NTRK2: variants seen among roughly 807,000 people sequenced by gnomAD.
The protein encoded by NTRK2 is neurotrophic receptor tyrosine kinase 2, also known as BDNF/NT-3 growth factors receptor.
A neutral mutation model predicts 94.5 loss-of-function variants in NTRK2; 13 were observed. The ratio of observed to expected loss-of-function variants is 0.14; its 90% confidence interval spans 0.09 to 0.22. The LOEUF (loss-of-function observed/expected upper bound fraction) is 0.22. NTRK2 is among the 10% of genes least tolerant of loss of function. NTRK2 has a pLI of 1.00. For missense variants in NTRK2, 639 were observed against 1,071.2 expected (o/e 0.60, Z 5.63); for synonymous variants, 372 against 407.4 (o/e 0.91, Z 1.05).
At chr9:84,694,497 G>A (rs2060241490) in intron 2 of NTRK2, among the ~76,000 whole-genome samples, 1 of 152,224 alleles carries the variant, frequency 6.6e-6, no homozygotes, top group Admixed American at 6.5e-5. Flanking sequence ...CAGTTGGGGT[G>A]CATACCCCCT....
intron 12 of NTRK2, among the ~76,000 whole-genome samples, chr9:84,772,335 A>G (rs1278987238): frequency 6.6e-6 from 1 of 150,624 alleles, no homozygotes; most frequent in Admixed American, 6.6e-5. Context: ...GCTGATTGAA[A>G]CCTCCGCCTC....
intron 17 of NTRK2, among the ~76,000 whole-genome samples, chr9:84,994,266 T>A (rs1288080211): frequency 6.6e-6 from 1 of 152,246 alleles, no homozygotes; most frequent in Non-Finnish European, 1.5e-5. Flanking sequence ...ACTCCCCTAC[T>A]GTAAGTTATA....
intron 14 of NTRK2, chr9:84,876,254 T>C (rs2076063565): frequency 1.9e-5 from 20 of 1,042,916 alleles, no homozygotes; most frequent in Non-Finnish European, 2.3e-5. Flanking sequence ...TGTGCAGTTA[T>C]ATCAAAACAG....
intron 14 of NTRK2, among the ~76,000 whole-genome samples, chr9:84,907,633 A>C: frequency 6.6e-6 from 1 of 151,882 alleles, no homozygotes; most frequent in East Asian, 1.9e-4. Context: ...AATTAAAATA[A>C]TGTGTGTCTG....
intron 12 of NTRK2, among the ~76,000 whole-genome samples, chr9:84,766,054 GA>G (rs1282132872): frequency 6.6e-6 from 1 of 152,166 alleles, no homozygotes. Flanking sequence ...AAGTTTATGG[GA>G]GGGGAGAGAG....
At chr9:85,006,646 T>C (rs1336507339) in intron 17 of NTRK2, among the ~76,000 whole-genome samples, 1 of 149,874 alleles carries the variant, frequency 6.7e-6, no homozygotes, top group Non-Finnish European at 1.5e-5. Context: ...CCCTTCTCAC[T>C]GACTTCTCCC....
At chr9:84,909,047 A>T (rs540577152) in intron 14 of NTRK2, among the ~76,000 whole-genome samples, 1 of 152,240 alleles carries the variant, frequency 6.6e-6, no homozygotes, top group East Asian at 1.9e-4. Context: ...TTCCACAAGG[A>T]TCCCTCATGC....
intron 12 of NTRK2, among the ~76,000 whole-genome samples, chr9:84,787,158 C>T (rs1021653424): frequency 2.6e-5 from 4 of 151,914 alleles, no homozygotes; most frequent in African/African-American, 9.7e-5. Context: ...ATTGGCCAGG[C>T]GTGGTGGCAG....
chr9:84,859,200 G>A (rs140010892), intron 12 of NTRK2, among the ~76,000 whole-genome samples: 1,876 of 152,334 alleles, frequency 0.012, 21 homozygotes, highest in Non-Finnish European at 0.021. Flanking sequence ...CACACGATGG[G>A]AGGGGAATAT....
intron 4 of NTRK2, among the ~76,000 whole-genome samples, chr9:84,704,111 C>T (rs1231653692): frequency 6.6e-6 from 1 of 151,522 alleles, no homozygotes; most frequent in African/African-American, 2.4e-5. Flanking sequence ...TATTAATAGA[C>T]TTACTGATTA....
intron 2 of NTRK2, among the ~76,000 whole-genome samples, chr9:84,678,435 A>G (rs898183781): frequency 2.0e-5 from 3 of 152,250 alleles, no homozygotes; most frequent in Non-Finnish European, 4.4e-5. Flanking sequence ...AATATAGTGC[A>G]ATTTAAAAAG....
chr9:84,797,660 T>TAATATA (rs1564297727), intron 12 of NTRK2, among the ~76,000 whole-genome samples: 1 of 42,302 alleles, frequency 2.4e-5, no homozygotes, highest in Admixed American at 4.2e-4. Flanking sequence ...AATATATATA[T>TAATATA]TATATATTAT....
At chr9:84,953,295 T>C (rs779255890) in intron 16 of NTRK2, among the ~76,000 whole-genome samples, 1 of 152,264 alleles carries the variant, frequency 6.6e-6, no homozygotes, top group Admixed American at 6.5e-5. Context: ...TTAAAGAGAA[T>C]CTTTGTTTGC....
rs2059547294 is a variant in NTRK2, at chr9:84,683,903, CA to C, written c.212+12944del. On this transcript the variant is annotated intron_variant, in intron 2 of 18. Coordinates refer to ENST00000277120, the MANE Select transcript of NTRK2 (RefSeq NM_006180.6). ...CATTCTGACTGGCATGATAGTATCT[CA>C]TTGTGGTTTTGATTTGCATTTCTCT... Among the ~76,000 whole-genome samples the C allele has an allele frequency of 2.0e-5, 3 of 152,300 alleles. No homozygotes were observed. The South Asian group carries it at 6.2e-4, about 32-fold the overall frequency.
intron 1 of NTRK2, 23 bp from the exon 2 acceptor site, chr9:84,670,354 T>TA (rs2058625070): frequency 2.7e-6 from 1 of 370,054 alleles, no homozygotes. Context: ...CGCTCAGTCT[T>TA]ACGCGTGTCT....
chr9:84,947,630 G>T (rs981056757), intron 15 of NTRK2, among the ~76,000 whole-genome samples: 6 of 152,212 alleles, frequency 3.9e-5, no homozygotes, highest in Non-Finnish European at 8.8e-5. Flanking sequence ...ATTCATTCAG[G>T]ACAGTGGGTT....
At chr9:84,706,502 C>T (rs2061073988) in intron 4 of NTRK2, among the ~76,000 whole-genome samples, 2 of 143,160 alleles carry the variant, frequency 1.4e-5, no homozygotes, top group Admixed American at 1.5e-4. Flanking sequence ...ACCCTCAGAT[C>T]TCATGTGTGT....
Position 84,872,465 on chromosome 9 carries a change from G to A in NTRK2, c.1633+5034G>A, listed in dbSNP as rs902445359. Reference sequence around the variant, plus strand: ...AGAGCAGCCTTGTAAATTAGCTAGGGTCCTAGGGTTGAGGCCTAAATCAAC... The same window carrying A: ...AGAGCAGCCTTGTAAATTAGCTAGGATCCTAGGGTTGAGGCCTAAATCAAC... On this transcript the variant is annotated intron_variant, in intron 14 of 18. Coordinates refer to ENST00000277120, the MANE Select transcript of NTRK2 (RefSeq NM_006180.6). The A allele has an allele frequency of 3.7e-6, 4 of 1,072,148 alleles. No individual in the cohort carries two copies. The East Asian group carries it at 1.5e-4, about 39-fold the overall frequency. The allele number at this position is 1,072,148 out of a possible 1,614,324, so 66.4% of individuals were successfully genotyped here. A position where few individuals can be genotyped will look rare whatever the true frequency, so the allele number is the denominator to read the frequency against.
chr9:84,983,241 A>G (rs1827871338), intron 17 of NTRK2, among the ~76,000 whole-genome samples: 1 of 152,156 alleles, frequency 6.6e-6, no homozygotes, highest in African/African-American at 2.4e-5. Flanking sequence ...AATGACCCCA[A>G]GGTGAAATTG....
Sources: gnomAD v4.1 joint callset for allele counts (sites outside exome capture counted in the v4.1 genomes callset) on GRCh38, gnomAD v4.1.1 for gene constraint, MANE v1.5 for transcripts, NCBI Gene and HGNC (gene_info 2026-07-23, HGNC 2026-07-21) for gene names.